Variants in AQP7B observed in about 807,000 individuals in gnomAD.
AQP7B encodes putative aquaporin-7B.
chr2:94,603,424 G>T, the AQP7B span: 5,079 of 1,609,516 alleles, frequency 3.2e-3, 20 homozygotes, highest in Non-Finnish European at 3.5e-3. Flanking sequence ...GATGGTGACC[G>T]GTCCCTTTGC....
At chr2:94,595,774 C>T in the AQP7B span, among the ~76,000 whole-genome samples, 2 of 152,042 alleles carry the variant, frequency 1.3e-5, no homozygotes, top group African/African-American at 4.8e-5. Flanking sequence ...GGGCAAAGCG[C>T]CGATGAGCTG....
chr2:94,590,999 G>T, the AQP7B span, among the ~76,000 whole-genome samples: 2 of 151,358 alleles, frequency 1.3e-5, no homozygotes, highest in African/African-American at 2.4e-5. Context: ...AGGCGTTAGT[G>T]AGTTGTTAGC....
chr2:94,598,293 C>A, the AQP7B span, among the ~76,000 whole-genome samples: 7 of 152,114 alleles, frequency 4.6e-5, no homozygotes, highest in African/African-American at 1.7e-4. Context: ...GTGACCTTGG[C>A]CCCATTTATT....
the AQP7B span, among the ~76,000 whole-genome samples, chr2:94,601,343 T>C: frequency 9.2e-5 from 14 of 152,306 alleles, no homozygotes; most frequent in African/African-American, 3.4e-4. Flanking sequence ...TGCTGTGAGA[T>C]GGCAAACCTT....
chr2:94,602,522 G>C, the AQP7B span: 219 of 1,604,842 alleles, frequency 1.4e-4, no homozygotes, highest in Middle Eastern at 2.3e-4. Flanking sequence ...GGCCCATATG[G>C]TTCTAAATAA....
chr2:94,590,911 C>A, the AQP7B span, among the ~76,000 whole-genome samples: 1 of 127,550 alleles, frequency 7.8e-6, no homozygotes, highest in Non-Finnish European at 1.6e-5. Context: ...TGCCACTGCA[C>A]TTCAGCCTGG....
At chr2:94,588,498 A>G in the AQP7B span, 17 of 692,434 alleles carry the variant, frequency 2.5e-5, no homozygotes, top group Non-Finnish European at 4.1e-5. Flanking sequence ...GCTCCTCAGC[A>G]TCTACAAATC....
chr2:94,603,311 A>C, the AQP7B span: 1 of 1,501,176 alleles, frequency 6.7e-7, no homozygotes, highest in Non-Finnish European at 9.1e-7. Context: ...CCTCTAACCT[A>C]TAACCTCATT....
chr2:94,593,642 C>T, the AQP7B span, among the ~76,000 whole-genome samples: 26 of 152,150 alleles, frequency 1.7e-4, no homozygotes, highest in Middle Eastern at 3.4e-3. Context: ...TGTGCCACCA[C>T]GCCTGGCTAA....
At chr2:94,591,537 C>T in the AQP7B span, among the ~76,000 whole-genome samples, 155 of 152,244 alleles carry the variant, frequency 1.0e-3, no homozygotes, top group Non-Finnish European at 1.9e-3. Context: ...TCCTGGCCTC[C>T]GCAGGGGAGG....
the AQP7B span, among the ~76,000 whole-genome samples, chr2:94,597,508 T>C: frequency 6.6e-6 from 1 of 152,282 alleles, no homozygotes; most frequent in East Asian, 1.9e-4. Flanking sequence ...TATCCAAGTT[T>C]CACAGATGGG....
chr2:94,587,597 G>A, the AQP7B span, among the ~76,000 whole-genome samples: 2 of 152,142 alleles, frequency 1.3e-5, no homozygotes, highest in Non-Finnish European at 2.9e-5. Context: ...TGTGACACAG[G>A]CACATACACC....
At chr2:94,604,313 C>G in the AQP7B span, 2 of 1,608,282 alleles carry the variant, frequency 1.2e-6, no homozygotes, top group Non-Finnish European at 1.7e-6. Flanking sequence ...GTGGTGGGTG[C>G]CAGTGGTGGC....
chr2:94,594,491 T>C, the AQP7B span, among the ~76,000 whole-genome samples: 1 of 152,210 alleles, frequency 6.6e-6, no homozygotes, highest in South Asian at 2.1e-4. Context: ...AGTGGCCTCA[T>C]TGGTGTGCCA....
At chr2:94,591,897 C>A in the AQP7B span, among the ~76,000 whole-genome samples, 1 of 152,170 alleles carries the variant, frequency 6.6e-6, no homozygotes, top group African/African-American at 2.4e-5. Context: ...ACTCTTTCAG[C>A]TGGGGCAATG....
the AQP7B span, among the ~76,000 whole-genome samples, chr2:94,590,594 TTAA>T: frequency 6.6e-6 from 1 of 151,924 alleles, no homozygotes; most frequent in Non-Finnish European, 1.5e-5. Flanking sequence ...ATTCAATGAG[TTAA>T]TAGCTGGTTA....
chr2:94,588,249 G>A, the AQP7B span, among the ~76,000 whole-genome samples: 2 of 152,086 alleles, frequency 1.3e-5, no homozygotes, highest in African/African-American at 4.8e-5. Context: ...GACAGGGAAG[G>A]TCAGGAGGAG....
chr2:94,587,410 G>A, the AQP7B span, among the ~76,000 whole-genome samples: 1 of 152,230 alleles, frequency 6.6e-6, no homozygotes. Context: ...TTTCAGGAGA[G>A]TGAGTGGGGC....
chr2:94,587,929 G>A, the AQP7B span, among the ~76,000 whole-genome samples: 140 of 152,196 alleles, frequency 9.2e-4, no homozygotes, highest in African/African-American at 3.2e-3. Context: ...ATAATCAGGA[G>A]GACAGACAGG....
Sources: allele counts gnomAD v4.1 joint callset (sites outside exome capture counted in the v4.1 genomes callset), GRCh38; gene constraint gnomAD v4.1.1; transcripts MANE v1.5; gene names NCBI Gene and HGNC (gene_info 2026-07-23, HGNC 2026-07-21).